Variants in LOXHD1 observed in about 807,000 individuals in gnomAD.
LOXHD1 encodes lipoxygenase homology domain-containing protein 1.
LOXHD1 carries 205 observed loss-of-function variants against 248.2 expected under a neutral mutation model. That is an observed-to-expected ratio of 0.83 (90% confidence interval 0.74 to 0.93). The LOEUF (loss-of-function observed/expected upper bound fraction) is 0.93. Among genes scored for constraint, LOXHD1 ranks in the 40% least tolerant of loss-of-function variants. LOXHD1 has a pLI of 0.00. For missense variants in LOXHD1, 2,930 were observed against 2,971.6 expected (o/e 0.99, Z 0.33); for synonymous variants, 1,113 against 1,162.8 (o/e 0.96, Z 0.87).
Position 46,546,981 on chromosome 18 carries a change from T to G in LOXHD1, c.3428A>C (p.Asp1143Ala). The change falls in exon 22 of 41, where the codon GAT (aspartate) becomes GCT (alanine). Residue 1143 changes from aspartate (D) to alanine (A), a missense_variant. Coordinates refer to ENST00000642948, the MANE Select transcript of LOXHD1 (RefSeq NM_001384474.1). ...GQLSRELLPV[D>A]ESYVLPQSEE... Reference sequence around the variant, plus strand: ...GCTCTGTGGCAGCACATAGGACTCATCCACTGGCAACAGCTCCCTGGACAG... The same window carrying G: ...GCTCTGTGGCAGCACATAGGACTCAGCCACTGGCAACAGCTCCCTGGACAG... 1 of 1,551,734 alleles carries G rather than the reference T, an allele frequency of 6.4e-7. No homozygotes were observed. The highest frequency in any genetic ancestry group is 8.7e-7 in the Non-Finnish European group (1 of 1,146,982).
chr18:46,632,011 A>G (rs2038830859), intron 4 of LOXHD1, among the ~76,000 whole-genome samples: 1 of 152,196 alleles, frequency 6.6e-6, no homozygotes, highest in Non-Finnish European at 1.5e-5. Flanking sequence ...ATCTGAGCAA[A>G]CAGGTTGAGA....
At chr18:46,548,275 A>G (rs1286457487) in intron 21 of LOXHD1, among the ~76,000 whole-genome samples, 1 of 146,804 alleles carries the variant, frequency 6.8e-6, no homozygotes, top group Non-Finnish European at 1.5e-5. Context: ...GCCCTGATGC[A>G]CAAGGGCCAC....
chr18:46,482,668 T>C (rs1479843370), intron 40 of LOXHD1, among the ~76,000 whole-genome samples: 2 of 152,242 alleles, frequency 1.3e-5, no homozygotes, highest in African/African-American at 2.4e-5. Flanking sequence ...TTTGAGAAGC[T>C]TGGCCTCCTG....
intron 25 of LOXHD1, among the ~76,000 whole-genome samples, chr18:46,540,072 T>A (rs1414016265): frequency 1.3e-5 from 2 of 152,214 alleles, no homozygotes; most frequent in Non-Finnish European, 2.9e-5. Context: ...CATGCTATGG[T>A]CCTTACCTCC....
chr18:46,657,077 G>T lies in LOXHD1; in HGVS notation c.-44C>A. Reference sequence around the variant, plus strand: ...CCAGCGCTCGCAGGCTCACTGTGCCGCCTCCTCACACCTGCGGGAACCTGA... The same window carrying T: ...CCAGCGCTCGCAGGCTCACTGTGCCTCCTCCTCACACCTGCGGGAACCTGA... On this transcript the variant is annotated 5_prime_UTR_variant, in exon 1 of 41. Transcript: ENST00000642948. 2 of 1,550,972 alleles carry T rather than the reference G, an allele frequency of 1.3e-6. No individual in the cohort carries two copies. The highest frequency in any genetic ancestry group is 1.7e-6 in the Non-Finnish European group (2 of 1,146,652).
intron 5 of LOXHD1, among the ~76,000 whole-genome samples, chr18:46,617,645 G>A (rs530427): frequency 6.6e-6 from 1 of 151,040 alleles, no homozygotes; most frequent in East Asian, 1.9e-4. Context: ...ATGTAATTCT[G>A]CTAAATTGGC....
At position 46,588,487 on chromosome 18, in the gene LOXHD1, C is replaced by T. The variant is rs1310395895; in HGVS notation, c.1654+3446G>A. Among the ~76,000 whole-genome samples the T allele has an allele frequency of 2.0e-5, 3 of 152,192 alleles. No individual in the cohort carries two copies. In the East Asian group the frequency reaches 5.8e-4, roughly 29 times the overall value. Reference sequence around the variant, plus strand: ...ACACTGTTAAAAATGTGTACGAGCACATTTTATACATGTAACCTGTAGAGA... The same window carrying T: ...ACACTGTTAAAAATGTGTACGAGCATATTTTATACATGTAACCTGTAGAGA... On this transcript the variant is annotated intron_variant, in intron 12 of 40. Coordinates refer to ENST00000642948, the MANE Select transcript of LOXHD1 (RefSeq NM_001384474.1).
chr18:46,495,039 T>G (rs1166592571), intron 37 of LOXHD1, among the ~76,000 whole-genome samples: 4 of 152,008 alleles, frequency 2.6e-5, no homozygotes, highest in Non-Finnish European at 5.9e-5. Context: ...TGTTTTGTTT[T>G]GTATTTTTAG....
At position 46,535,608 on chromosome 18, in the gene LOXHD1, G is replaced by C. The variant is rs192726186; in HGVS notation, c.4096-1157C>G. 4.1e-3 allele frequency among the ~76,000 whole-genome samples: 623 copies of C among 152,062 alleles called. 2 individuals are homozygous for C. The highest frequency in any genetic ancestry group is 0.031 in the Middle Eastern group (9 of 294). On this transcript the variant is annotated intron_variant, in intron 26 of 40. Coordinates refer to ENST00000642948, the MANE Select transcript of LOXHD1 (RefSeq NM_001384474.1). ...TGTTGTTGTTGTTGTTGTTGTTGTT[G>C]CCCAGGCTGGAGTGCAGTGGCGCAA...
At position 46,556,041 on chromosome 18, in the gene LOXHD1, T is replaced by C. The variant is rs182964481; in HGVS notation, c.3350+1315A>G. On this transcript the variant is annotated intron_variant, in intron 21 of 40. Transcript: ENST00000642948. ...GGAGGAAAAATCTAAGGAAGGATAATATTTTTTGACATGTGAAAATTATAT... is the reference window on the plus strand; with the variant it reads ...GGAGGAAAAATCTAAGGAAGGATAACATTTTTTGACATGTGAAAATTATAT... 1.8e-4 allele frequency among the ~76,000 whole-genome samples: 27 copies of C among 151,550 alleles called. No homozygotes were observed. In the East Asian group the frequency reaches 5.3e-3, roughly 30 times the overall value.
At chr18:46,484,901 A>C (rs2032908651) in intron 39 of LOXHD1, 118 bp downstream of exon 39, 1 of 1,233,386 alleles carries the variant, frequency 8.1e-7, no homozygotes, top group Middle Eastern at 1.9e-4. Flanking sequence ...GGTGCTCAGT[A>C]AGTACTTGCT....
intron 6 of LOXHD1, among the ~76,000 whole-genome samples, chr18:46,605,298 G>C (rs533759334): frequency 6.6e-6 from 1 of 152,032 alleles, no homozygotes; most frequent in South Asian, 2.1e-4. Flanking sequence ...AGGCCGAGGC[G>C]GGAGGATCAC....
rs1031625395 is a variant in LOXHD1, at chr18:46,600,305, A to G, written c.1134+912T>C. Among the ~76,000 whole-genome samples, 7 of 152,148 alleles carry G rather than the reference A, an allele frequency of 4.6e-5. No homozygotes were observed. In the South Asian group the frequency reaches 1.2e-3, roughly 27 times the overall value. On this transcript the variant is annotated intron_variant, in intron 8 of 40. Coordinates refer to ENST00000642948, the MANE Select transcript of LOXHD1 (RefSeq NM_001384474.1). The stretch of plus-strand genomic sequence containing the variant: ...CTCTAAAACATAATGTTGAGTGAAA[A>G]TTGACAGTTATGGCCAGGAGCGATG...
intron 37 of LOXHD1, among the ~76,000 whole-genome samples, chr18:46,494,835 CTT>C (rs34860302): frequency 0.078 from 10,735 of 137,178 alleles, 645 homozygotes; most frequent in Non-Finnish European, 0.1. Context: ...TTTCTTTCTC[CTT>C]TTTCTCTCTC....
chr18:46,542,330 T>C (rs1304930774), intron 24 of LOXHD1, among the ~76,000 whole-genome samples: 1 of 152,078 alleles, frequency 6.6e-6, no homozygotes, highest in Non-Finnish European at 1.5e-5. Context: ...TCTTACCCAA[T>C]GATAGGAATG....
intron 8 of LOXHD1, among the ~76,000 whole-genome samples, chr18:46,600,604 A>AAAGG (rs59983848): frequency 6.7e-4 from 92 of 138,022 alleles, no homozygotes; most frequent in Admixed American, 2.4e-3. Context: ...GTCCAAAAAA[A>AAAGG]AAGGAAGGAA....
chr18:46,592,167 C>T (rs1369039677), intron 11 of LOXHD1, 99 bp from the exon 12 acceptor site: 2 of 1,458,636 alleles, frequency 1.4e-6, no homozygotes, highest in East Asian at 5.0e-5. Flanking sequence ...GAAGCCAAGG[C>T]TATTTCCTGG....
chr18:46,547,650 AG>A (rs1262911587), intron 21 of LOXHD1, among the ~76,000 whole-genome samples: 1 of 152,124 alleles, frequency 6.6e-6, no homozygotes, highest in Admixed American at 6.5e-5. Context: ...AGGTAGGGCC[AG>A]GGATGGGAGG....
chr18:46,603,747 G>A (rs762110862), intron 7 of LOXHD1, among the ~76,000 whole-genome samples: 1 of 152,176 alleles, frequency 6.6e-6, no homozygotes, highest in East Asian at 1.9e-4. Flanking sequence ...TGTAGGTCAG[G>A]TACCTACCTA....
Sources: gnomAD v4.1 joint callset for allele counts (sites outside exome capture counted in the v4.1 genomes callset) on GRCh38, gnomAD v4.1.1 for gene constraint, MANE v1.5 for transcripts, NCBI Gene and HGNC (gene_info 2026-07-23, HGNC 2026-07-21) for gene names.